Variants in SLC9C2 observed in about 807,000 individuals in gnomAD.
SLC9C2 encodes sodium/hydrogen exchanger 11.
SLC9C2 carries 75 observed loss-of-function variants against 140.2 expected under a neutral mutation model. The observed-to-expected ratio is 0.53, with a 90% CI of 0.44 to 0.65. The LOEUF (loss-of-function observed/expected upper bound fraction) is 0.65, where lower values mean the gene tolerates loss of function less well. SLC9C2 is among the 30% of genes least tolerant of loss of function. The probability of loss-of-function intolerance (pLI) is 0.00; values close to 1 mark genes in which losing one functional copy is unlikely to be tolerated. For missense variants in SLC9C2, 1,074 were observed against 1,331.8 expected, an observed-to-expected ratio of 0.81 and a Z score of 3.01; for synonymous variants, 375 against 420.9, an observed-to-expected ratio of 0.89 and a Z score of 1.34.
At chr1:173,526,820 T>G in intron 18 of SLC9C2, 106 bp from the exon 19 acceptor site, 1 of 761,582 alleles carries the variant, frequency 1.3e-6, no homozygotes, top group Non-Finnish European at 2.1e-6. Context: ...AGCATACTTA[T>G]TATACCAAGT....
In SLC9C2 at chr1:173,548,544, C is replaced by T. The variant is rs1447128135; in HGVS notation, c.1306G>A (p.Val436Ile). 1 of 1,613,530 alleles carries T rather than the reference C, an allele frequency of 6.2e-7. No individual in the cohort carries two copies. Among genetic ancestry groups the T allele is most frequent in the South Asian group, 1.1e-5 (1 of 91,066 alleles). The change falls in exon 12 of 28, where the codon GTT (valine) becomes ATT (isoleucine). Residue 436 changes from valine to isoleucine, a missense_variant. Val to Ile is a conservative substitution (Grantham distance 29). Coordinates refer to ENST00000367714, the MANE Select transcript of SLC9C2 (RefSeq NM_178527.4). ...TQSARKLDLC[V>I]LSLPRQMILQ... ...ATCATTTGTCTTGGGAGGGAAAGAA[C>T]ACACAAATCTGTGACAAAGACAAAA...
chr1:173,531,628 G>T (rs1230550483), intron 17 of SLC9C2, among the ~76,000 whole-genome samples: 4 of 152,132 alleles, frequency 2.6e-5, no homozygotes, highest in Admixed American at 2.0e-4. Flanking sequence ...GCTGCCTGTT[G>T]TTTCCCTGGC....
chr1:173,570,871 T>TTC (rs746028158), intron 9 of SLC9C2, among the ~76,000 whole-genome samples: 1 of 151,802 alleles, frequency 6.6e-6, no homozygotes, highest in Non-Finnish European at 1.5e-5. Flanking sequence ...AGTGCACAGA[T>TTC]TCTCTCTCTG....
intron 4 of SLC9C2, among the ~76,000 whole-genome samples, chr1:173,591,796 A>G (rs1201945062): frequency 6.6e-6 from 1 of 152,188 alleles, no homozygotes; most frequent in African/African-American, 2.4e-5. Flanking sequence ...TAGTTTGCAA[A>G]TATTTTATCC....
chr1:173,531,859 G>A (rs1016401389), intron 17 of SLC9C2, among the ~76,000 whole-genome samples: 1 of 152,120 alleles, frequency 6.6e-6, no homozygotes, highest in Non-Finnish European at 1.5e-5. Context: ...TACGATTTCT[G>A]TATAAATACT....
At chr1:173,594,751 C>T (rs2102263913) in intron 4 of SLC9C2, among the ~76,000 whole-genome samples, 1 of 152,238 alleles carries the variant, frequency 6.6e-6, no homozygotes, top group African/African-American at 2.4e-5. Context: ...TAGCTTTAGA[C>T]TTGTTAAATC....
chr1:173,587,885 G>A lies in SLC9C2; in HGVS notation c.358-55C>T, dbSNP rs1665948864. 4 of 1,346,620 alleles carry A rather than the reference G, an allele frequency of 3.0e-6. No homozygotes were observed. The African/African-American group carries it at 4.3e-5, about 15-fold the overall frequency. 83.4% of individuals were successfully genotyped at this position (1,346,620 alleles called of 1,614,324 possible). On this transcript the variant is annotated intron_variant, in intron 4 of 27. Coordinates refer to ENST00000367714, the MANE Select transcript of SLC9C2 (RefSeq NM_178527.4). ...ACTTAACATCTAAAGATGGCATGAT[G>A]GCATTTACTTATATCCTAAGAGTCA... is the stretch of plus-strand genomic sequence containing the variant.
chr1:173,526,150 A>G (rs1661178057), intron 19 of SLC9C2, among the ~76,000 whole-genome samples: 1 of 130,480 alleles, frequency 7.7e-6, no homozygotes, highest in Non-Finnish European at 1.5e-5. Context: ...AAGCTGACCC[A>G]AAAAAACTTG....
chr1:173,583,548 C>CA lies in SLC9C2; in HGVS notation c.597dup (p.Gly200TrpfsTer14), dbSNP rs760633653. The CA allele has an allele frequency of 6.8e-6, 11 of 1,607,316 alleles. No individual in the cohort carries two copies. The highest frequency in any genetic ancestry group is 2.2e-5 in the South Asian group (2 of 89,688). On this transcript the variant is annotated frameshift_variant, in exon 6 of 28. Coordinates refer to ENST00000367714, the MANE Select transcript of SLC9C2 (RefSeq NM_178527.4). LOFTEE classifies it high-confidence loss of function. ...TGGATTCTGTTGCCCCGAAAATTTC[C>CA]AAAAAAAATTGATGCGATGCTACAA...
chr1:173,533,574 G>A, intron 17 of SLC9C2, 35 bp downstream of exon 17: 2 of 1,508,548 alleles, frequency 1.3e-6, no homozygotes, highest in African/African-American at 1.4e-5. Flanking sequence ...TACCACTCCT[G>A]GCAAATCTTA....
intron 13 of SLC9C2, among the ~76,000 whole-genome samples, chr1:173,539,674 A>G (rs1461422197): frequency 6.6e-6 from 1 of 152,210 alleles, no homozygotes; most frequent in East Asian, 1.9e-4. Flanking sequence ...AGGAGAGACT[A>G]TAAAATAAGA....
intron 3 of SLC9C2, among the ~76,000 whole-genome samples, chr1:173,598,956 T>C (rs1666599247): frequency 6.6e-6 from 1 of 152,238 alleles, no homozygotes; most frequent in South Asian, 2.1e-4. Flanking sequence ...TGCTATGCAG[T>C]TGAAATCAGA....
chr1:173,524,110 C>T lies in SLC9C2; in HGVS notation c.2515-16G>A, dbSNP rs1241314423. 2 of 1,596,602 alleles carry T rather than the reference C, an allele frequency of 1.3e-6. No individual in the cohort carries two copies. The highest frequency in any genetic ancestry group is 1.8e-5 in the Admixed American group (1 of 56,926). On this transcript the variant is annotated splice_polypyrimidine_tract_variant and intron_variant, in intron 20 of 27. Coordinates refer to ENST00000367714, the MANE Select transcript of SLC9C2 (RefSeq NM_178527.4). ...TAAGAAGTACCTAAAAACAAATAATCAAAATAATGGGGATCAGATCCTGTA... is the reference window on the plus strand; with the variant it reads ...TAAGAAGTACCTAAAAACAAATAATTAAAATAATGGGGATCAGATCCTGTA...
intron 12 of SLC9C2, among the ~76,000 whole-genome samples, chr1:173,548,081 G>T (rs1662986603): frequency 6.6e-6 from 1 of 152,138 alleles, no homozygotes; most frequent in South Asian, 2.1e-4. Context: ...CTTCTACCAG[G>T]AGAGAATTAT....
Position 173,597,968 on chromosome 1 carries a change from G to A in SLC9C2, c.293C>T (p.Pro98Leu). The A allele has an allele frequency of 1.3e-6, 2 of 1,598,580 alleles. No individual in the cohort carries two copies. Among genetic ancestry groups the A allele is most frequent in the Admixed American group, 1.7e-5 (1 of 57,274 alleles). Residue 98 changes from proline (P) to leucine (L), a missense_variant, in exon 4 of 28, where the codon CCT (proline) becomes CTT (leucine). By Grantham distance (98) the Pro-to-Leu change is moderately conservative (BLOSUM62 -3). Coordinates refer to ENST00000367714, the MANE Select transcript of SLC9C2 (RefSeq NM_178527.4). The stretch of plus-strand genomic sequence containing the variant: ...CAAAGCAACCATAAATATAATTAAA[G>A]GTGAAAAGTAAGAATAAAGTGAAAA... ...SSFSLYSYFSPLIIFMVALDV... is the reference protein window; with the variant it reads ...SSFSLYSYFSLLIIFMVALDV...
intron 7 of SLC9C2, among the ~76,000 whole-genome samples, chr1:173,579,335 G>A (rs904483295): frequency 3.9e-5 from 6 of 152,116 alleles, no homozygotes; most frequent in African/African-American, 1.2e-4. Context: ...GGTTGCTAAC[G>A]AAAGCCATCC....
chr1:173,597,348 A>T (rs1666506990), intron 4 of SLC9C2, among the ~76,000 whole-genome samples: 1 of 152,122 alleles, frequency 6.6e-6, no homozygotes, highest in Non-Finnish European at 1.5e-5. Context: ...GGATACCACT[A>T]AAAAGAAAAT....
chr1:173,520,590 T>TTGAATAAATGAGTGAA (rs1302824537), intron 22 of SLC9C2, among the ~76,000 whole-genome samples: 1 of 152,194 alleles, frequency 6.6e-6, no homozygotes, highest in African/African-American at 2.4e-5. Context: ...AAACATTTTG[T>TTGAATAAATGAGTGAA]TGAATAAATG....
In SLC9C2 at chr1:173,600,091, T is replaced by G. The variant is rs753601221; in HGVS notation, c.228+26A>C. On this transcript the variant is annotated intron_variant, in intron 3 of 27. Transcript: ENST00000367714. ...TTATTTTTGGCATTTTTTCCTTTAT[T>G]CTCTAATTTATTGTACATACAGTAC... 4 of 1,479,296 alleles carry G rather than the reference T, an allele frequency of 2.7e-6. No individual in the cohort carries two copies. In the South Asian group the frequency reaches 5.1e-5, roughly 19 times the overall value. 91.6% of individuals were successfully genotyped at this position (1,479,296 alleles called of 1,614,324 possible).
Sources: gnomAD v4.1 joint callset for allele counts (sites outside exome capture counted in the v4.1 genomes callset) on GRCh38, gnomAD v4.1.1 for gene constraint, MANE v1.5 for transcripts, NCBI Gene and HGNC (gene_info 2026-07-23, HGNC 2026-07-21) for gene names.